The following SYN3 variants were observed in gnomAD, a reference collection of about 807,000 sequenced individuals.
SYN3 encodes synapsin III.
Under a neutral mutation model 65.8 loss-of-function variants are expected in SYN3, and 35 were observed. The observed-to-expected ratio is 0.53, with a 90% CI of 0.41 to 0.70. The LOEUF (loss-of-function observed/expected upper bound fraction) is 0.70, where lower values mean the gene tolerates loss of function less well. SYN3 is among the 30% of genes least tolerant of loss of function. The pLI is 0.00. For missense variants in SYN3, 680 were observed against 749.0 expected, an observed-to-expected ratio of 0.91 and a Z score of 1.08; for synonymous variants, 270 against 292.9, an observed-to-expected ratio of 0.92 and a Z score of 0.80.
At chr22:32,630,786 T>C (rs985981428) in intron 6 of SYN3, among the ~76,000 whole-genome samples, 1 of 152,214 alleles carries the variant, frequency 6.6e-6, no homozygotes, top group Non-Finnish European at 1.5e-5. Flanking sequence ...GCTGTCAAGA[T>C]AAACATCAAA....
intron 1 of SYN3, among the ~76,000 whole-genome samples, chr22:33,050,687 G>A (rs1482887607): frequency 6.6e-6 from 1 of 152,062 alleles, no homozygotes; most frequent in East Asian, 1.9e-4. Flanking sequence ...AGGAAACAAA[G>A]GCAGACAAAA....
Position 32,510,212 on chromosome 22 carries a change from C to A in SYN3, c.*3480G>T, listed in dbSNP as rs1004014571. ...ACTGTTTCTCATGCAGTGGCTTTCC[C>A]ACAGAGCCCAGCTCAGGTTTGCTGG... On this transcript the variant is annotated 3_prime_UTR_variant, in exon 14 of 14. Transcript: ENST00000358763. 6.6e-6 allele frequency among the ~76,000 whole-genome samples: 1 copy of A among 152,180 alleles called. No individual in the cohort carries two copies. Among genetic ancestry groups the A allele is most frequent in the African/African-American group, 2.4e-5 (1 of 41,448 alleles).
At chr22:32,666,853 A>T (rs2060296263) in intron 6 of SYN3, among the ~76,000 whole-genome samples, 1 of 152,162 alleles carries the variant, frequency 6.6e-6, no homozygotes, top group African/African-American at 2.4e-5. Context: ...AGGTAACGTG[A>T]TGGCCAAGGA....
chr22:32,910,842 A>G (rs1489214274), intron 4 of SYN3, among the ~76,000 whole-genome samples: 1 of 152,214 alleles, frequency 6.6e-6, no homozygotes. Context: ...AGCCATTTTT[A>G]TCATGGCTGC....
At chr22:32,856,883 G>C (rs2048383695) in intron 6 of SYN3, among the ~76,000 whole-genome samples, 1 of 152,084 alleles carries the variant, frequency 6.6e-6, no homozygotes, top group African/African-American at 2.4e-5. Context: ...TACTTTCTTA[G>C]CTCCCACATG....
chr22:32,907,195 G>T (rs1275408472), intron 4 of SYN3, among the ~76,000 whole-genome samples: 3 of 152,120 alleles, frequency 2.0e-5, no homozygotes, highest in Non-Finnish European at 2.9e-5. Context: ...CATTTTAAGT[G>T]AATTAAGTCA....
intron 6 of SYN3, among the ~76,000 whole-genome samples, chr22:32,626,667 A>C (rs1233526376): frequency 1.3e-5 from 2 of 152,182 alleles, no homozygotes. Flanking sequence ...CAGACTCATG[A>C]ACTTGCCACA....
chr22:32,887,952 G>A lies in SYN3; in HGVS notation c.462-18827C>T, dbSNP rs1020524505. Among the ~76,000 whole-genome samples, 23 of 152,252 alleles carry A rather than the reference G, an allele frequency of 1.5e-4. No individual in the cohort carries two copies. The East Asian group carries it at 2.1e-3, about 14-fold the overall frequency. On this transcript the variant is annotated intron_variant, in intron 4 of 13. Coordinates refer to ENST00000358763, the MANE Select transcript of SYN3 (RefSeq NM_003490.4). Reference sequence around the variant, plus strand: ...CTATTTTCCAAAGAGGCTGCACCACGTCACATCCCCACCAGCAATGTAGGA... The same window carrying A: ...CTATTTTCCAAAGAGGCTGCACCACATCACATCCCCACCAGCAATGTAGGA...
chr22:33,013,343 A>G (rs1411997043), intron 1 of SYN3, among the ~76,000 whole-genome samples: 2 of 152,218 alleles, frequency 1.3e-5, no homozygotes, highest in African/African-American at 2.4e-5. Flanking sequence ...AACAATACAC[A>G]GAGTGTGGTC....
intron 6 of SYN3, among the ~76,000 whole-genome samples, chr22:32,816,989 G>A (rs1265107299): frequency 1.3e-5 from 2 of 151,850 alleles, no homozygotes; most frequent in Admixed American, 1.3e-4. Flanking sequence ...AGGCTGAGGC[G>A]AGAGGATCGC....
chr22:32,857,743 A>G (rs1184303398), intron 6 of SYN3, among the ~76,000 whole-genome samples: 3 of 152,160 alleles, frequency 2.0e-5, no homozygotes, highest in African/African-American at 7.2e-5. Flanking sequence ...TTATAAAGGG[A>G]GTGAAGAGTT....
At chr22:32,785,910 G>A (rs2046181697) in intron 6 of SYN3, among the ~76,000 whole-genome samples, 1 of 152,030 alleles carries the variant, frequency 6.6e-6, no homozygotes, top group Admixed American at 6.5e-5. Flanking sequence ...AATAAAGCCT[G>A]AATGAATGAC....
At chr22:32,802,149 GC>G in intron 6 of SYN3, 1 of 1,568,580 alleles carries the variant, frequency 6.4e-7, no homozygotes. Flanking sequence ...CCCCGCCCGA[GC>G]CCCACGCTGC....
At chr22:33,001,625 G>A (rs750383160) in intron 2 of SYN3, among the ~76,000 whole-genome samples, 1 of 152,206 alleles carries the variant, frequency 6.6e-6, no homozygotes, top group Non-Finnish European at 1.5e-5. Context: ...TACACAGGAA[G>A]GATCACAATA....
intron 11 of SYN3, 75 bp downstream of exon 11, chr22:32,528,799 C>T: frequency 1.3e-6 from 2 of 1,589,622 alleles, no homozygotes; most frequent in Non-Finnish European, 1.7e-6. Context: ...CCCTTTGGAT[C>T]CAGGGGCTCC....
chr22:32,971,504 C>T (rs2052018502), intron 3 of SYN3, among the ~76,000 whole-genome samples: 2 of 152,086 alleles, frequency 1.3e-5, no homozygotes, highest in Admixed American at 1.3e-4. Flanking sequence ...AGAGAAACAC[C>T]AAGCTCTGGT....
intron 6 of SYN3, among the ~76,000 whole-genome samples, chr22:32,715,766 A>G (rs1201763612): frequency 6.8e-6 from 1 of 146,368 alleles, no homozygotes; most frequent in Middle Eastern, 3.5e-3. Context: ...GTGACAGAGC[A>G]AGACTCTGTC....
At chr22:32,844,285 T>C (rs1447094285) in intron 6 of SYN3, among the ~76,000 whole-genome samples, 3 of 152,170 alleles carry the variant, frequency 2.0e-5, no homozygotes, top group Non-Finnish European at 4.4e-5. Flanking sequence ...GAACAGCACA[T>C]GTGCAATTTC....
At chr22:32,729,530 C>T (rs541686711) in intron 6 of SYN3, among the ~76,000 whole-genome samples, 53 of 152,306 alleles carry the variant, frequency 3.5e-4, no homozygotes, top group African/African-American at 1.0e-3. Flanking sequence ...CCCGCTACCA[C>T]GCATTTAGAA....
Sources: allele counts gnomAD v4.1 joint callset (sites outside exome capture counted in the v4.1 genomes callset), GRCh38; gene constraint gnomAD v4.1.1; transcripts MANE v1.5; gene names NCBI Gene and HGNC (gene_info 2026-07-23, HGNC 2026-07-21).